Variants in TBC1D8 observed in about 807,000 individuals in gnomAD.
The protein encoded by TBC1D8 is BUB2-like protein 1.
Under a neutral mutation model 118.8 loss-of-function variants are expected in TBC1D8, and 65 were observed. The observed-to-expected ratio is 0.55, with a 90% CI of 0.45 to 0.67. TBC1D8 has a LOEUF of 0.67. Ranked by LOEUF, TBC1D8 falls within the 30% of genes least tolerant of loss-of-function variation. TBC1D8 has a pLI of 0.00. For missense variants in TBC1D8, 1,376 were observed against 1,471.2 expected, an observed-to-expected ratio of 0.94 and a Z score of 1.06; for synonymous variants, 566 against 595.8, an observed-to-expected ratio of 0.95 and a Z score of 0.73.
At chr2:101,143,801 A>G (rs940794054) in intron 1 of TBC1D8, among the ~76,000 whole-genome samples, 6 of 152,124 alleles carry the variant, frequency 3.9e-5, no homozygotes, top group African/African-American at 1.4e-4. Flanking sequence ...GGCTCAAGCA[A>G]TCCACCCACC....
At chr2:101,037,489 G>C (rs963818398) in intron 8 of TBC1D8, 43 bp downstream of exon 8, 1 of 1,596,354 alleles carries the variant, frequency 6.3e-7, no homozygotes, top group Non-Finnish European at 8.5e-7. Context: ...CCAAGCCCAC[G>C]GCTCAGCTTT....
At chr2:101,078,753 C>CAAAAA in intron 2 of TBC1D8, among the ~76,000 whole-genome samples, 1 of 108,118 alleles carries the variant, frequency 9.2e-6, no homozygotes, top group Non-Finnish European at 1.8e-5. Flanking sequence ...CCTTTCTTAG[C>CAAAAA]AAAAAAAAAA....
intron 2 of TBC1D8, among the ~76,000 whole-genome samples, chr2:101,063,491 A>G (rs1682866547): frequency 6.6e-6 from 1 of 152,234 alleles, no homozygotes; most frequent in Non-Finnish European, 1.5e-5. Context: ...GACAATCAAT[A>G]TGATGAAACT....
rs138783811 is a variant in TBC1D8 at position 101,079,474 on chromosome 2, G to A, written c.283+10735C>T. On this transcript the variant is annotated intron_variant, in intron 2 of 19. Coordinates refer to ENST00000409318, the MANE Select transcript of TBC1D8 (RefSeq NM_001330348.2). ...ACCGCAGCCTTGAACTCCCAGGCTC[G>A]AGCAATCCTCCCGCCTTAGCCTCTT... 6.5e-4 allele frequency among the ~76,000 whole-genome samples: 99 copies of A among 152,052 alleles called. 1 individual carries two copies. Among genetic ancestry groups the A allele is most frequent in the African/African-American group, 2.2e-3 (90 of 41,492 alleles).
At chr2:101,061,474 C>A (rs1389932881) in intron 2 of TBC1D8, among the ~76,000 whole-genome samples, 1 of 152,148 alleles carries the variant, frequency 6.6e-6, no homozygotes, top group Non-Finnish European at 1.5e-5. Context: ...AACAGTGGTG[C>A]CTATTTTGTA....
chr2:101,090,520 C>T (rs1025364214), intron 1 of TBC1D8, among the ~76,000 whole-genome samples, 156 bp from the exon 2 acceptor site: 5 of 152,222 alleles, frequency 3.3e-5, no homozygotes, highest in Non-Finnish European at 7.3e-5. Context: ...GCCTGAGCTC[C>T]ATGGAGCCAA....
rs772352290 is a variant in TBC1D8 at position 101,011,496 on chromosome 2, G to A, written c.2872C>T (p.Pro958Ser). Residue 958 changes from proline (P) to serine (S), a missense_variant, in exon 18 of 20, where the codon CCT (proline) becomes TCT (serine). Transcript: ENST00000409318. ...DRDSQSPLRN[P>S]LLSTSRPLVF... ...AGGGGTCTCGATGTTGACAACAGAG[G>A]ATTCCTCAACGGCGACTGGCTGTCT... 6.2e-7 allele frequency: 1 copy of A among 1,613,932 alleles called. No individual in the cohort carries two copies.
At chr2:101,150,883 C>A (rs1679530161) in intron 1 of TBC1D8, among the ~76,000 whole-genome samples, 1 of 152,122 alleles carries the variant, frequency 6.6e-6, no homozygotes, top group Admixed American at 6.5e-5. Flanking sequence ...CCGGGCCAGG[C>A]GGCGAAGACA....
intron 2 of TBC1D8, among the ~76,000 whole-genome samples, chr2:101,075,247 A>T (rs1184534974): frequency 1.3e-5 from 2 of 152,038 alleles, no homozygotes; most frequent in Non-Finnish European, 2.9e-5. Context: ...AAATACAAAA[A>T]ATTAGCCAGG....
intron 1 of TBC1D8, among the ~76,000 whole-genome samples, chr2:101,118,067 T>A (rs1031414731): frequency 6.6e-6 from 1 of 151,924 alleles, no homozygotes; most frequent in African/African-American, 2.4e-5. Context: ...TCTTATCACA[T>A]CCATCATCAA....
intron 1 of TBC1D8, among the ~76,000 whole-genome samples, chr2:101,146,082 C>G (rs1679305921): frequency 6.6e-6 from 1 of 152,128 alleles, no homozygotes; most frequent in Admixed American, 6.5e-5. Flanking sequence ...TTATTTTAAT[C>G]ATAACCATTA....
chr2:101,024,337 T>G (rs752638543), intron 15 of TBC1D8, among the ~76,000 whole-genome samples: 1 of 151,724 alleles, frequency 6.6e-6, no homozygotes, highest in South Asian at 2.1e-4. Context: ...TCCATGATAT[T>G]AAATGCTGGG....
chr2:101,083,463 C>CT (rs1675395311), intron 2 of TBC1D8, among the ~76,000 whole-genome samples: 1 of 152,182 alleles, frequency 6.6e-6, no homozygotes, highest in African/African-American at 2.4e-5. Flanking sequence ...TCTCCACCCA[C>CT]TGAAGCTGGT....
chr2:101,069,443 G>A (rs189090560), intron 2 of TBC1D8, among the ~76,000 whole-genome samples: 176 of 152,098 alleles, frequency 1.2e-3, no homozygotes, highest in African/African-American at 3.7e-3. Context: ...AAAATTTGCC[G>A]GGCGTGGTGG....
intron 1 of TBC1D8, among the ~76,000 whole-genome samples, chr2:101,137,473 C>T (rs535073917): frequency 3.3e-5 from 5 of 152,100 alleles, no homozygotes; most frequent in South Asian, 4.2e-4. Context: ...CCACCACACC[C>T]GGCAAATTTT....
chr2:101,144,026 T>C (rs1679223346), intron 1 of TBC1D8, among the ~76,000 whole-genome samples: 1 of 152,250 alleles, frequency 6.6e-6, no homozygotes, highest in African/African-American at 2.4e-5. Context: ...ACTTCTCAAC[T>C]GCACAGGCTC....
At chr2:101,131,071 TTTA>T in intron 1 of TBC1D8, among the ~76,000 whole-genome samples, 1 of 152,254 alleles carries the variant, frequency 6.6e-6, no homozygotes, top group African/African-American at 2.4e-5. Context: ...TATTTATTTA[TTTA>T]TTTATTTTTA....
At chr2:101,092,399 A>G (rs1485925192) in intron 1 of TBC1D8, among the ~76,000 whole-genome samples, 1 of 152,114 alleles carries the variant, frequency 6.6e-6, no homozygotes, top group East Asian at 1.9e-4. Flanking sequence ...ACTTGACTCA[A>G]ATTGGGGCTG....
At chr2:101,043,574 T>C (rs571102558) in intron 5 of TBC1D8, among the ~76,000 whole-genome samples, 5 of 152,302 alleles carry the variant, frequency 3.3e-5, no homozygotes, top group Admixed American at 2.0e-4. Flanking sequence ...TCACAGAAGC[T>C]TGCACTGAGC....
Sources: gnomAD v4.1 joint callset for allele counts (sites outside exome capture counted in the v4.1 genomes callset) on GRCh38, gnomAD v4.1.1 for gene constraint, MANE v1.5 for transcripts, NCBI Gene and HGNC (gene_info 2026-07-23, HGNC 2026-07-21) for gene names.